Variants in NTRK3 observed in about 807,000 individuals in gnomAD.
NTRK3 encodes the protein NT-3 growth factor receptor.
A neutral mutation model predicts 91.7 loss-of-function variants in NTRK3; 24 were observed. The observed-to-expected ratio is 0.26, with a 90% CI of 0.19 to 0.37. The LOEUF is 0.37. NTRK3 is among the 10% of genes least tolerant of loss of function. NTRK3 has a pLI of 1.00. For synonymous variants in NTRK3, 483 were observed against 404.0 expected, an observed-to-expected ratio of 1.20 and a Z score of -2.34; for missense variants, 880 against 1,068.9, an observed-to-expected ratio of 0.82 and a Z score of 2.46.
chr15:88,074,270 G>A (rs2047344257), intron 13 of NTRK3, among the ~76,000 whole-genome samples: 1 of 152,240 alleles, frequency 6.6e-6, no homozygotes. Context: ...GAAAGAACCA[G>A]GTGGCCTCTG....
At chr15:87,956,119 G>T (rs2071629025) in intron 14 of NTRK3, among the ~76,000 whole-genome samples, 1 of 152,136 alleles carries the variant, frequency 6.6e-6, no homozygotes, top group Non-Finnish European at 1.5e-5. Flanking sequence ...CCATTTCTTT[G>T]TGTATAAATG....
intron 14 of NTRK3, among the ~76,000 whole-genome samples, chr15:88,000,021 A>G (rs956067609): frequency 6.6e-6 from 1 of 152,294 alleles, no homozygotes; most frequent in Non-Finnish European, 1.5e-5. Flanking sequence ...TCTTAATGCT[A>G]TGATGGTGAT....
chr15:87,886,821 A>T (rs968667098), intron 17 of NTRK3, among the ~76,000 whole-genome samples: 1 of 148,460 alleles, frequency 6.7e-6, no homozygotes, highest in Non-Finnish European at 1.5e-5. Context: ...AAATTTAAAA[A>T]TAGTAAAAAA....
chr15:88,180,429 A>G (rs1248661849), intron 5 of NTRK3, among the ~76,000 whole-genome samples: 2 of 152,356 alleles, frequency 1.3e-5, no homozygotes, highest in East Asian at 3.9e-4. Context: ...CTCATAAACC[A>G]TGACGTAAGG....
chr15:87,964,417 ATT>A (rs1317608416), intron 14 of NTRK3, among the ~76,000 whole-genome samples: 2 of 150,378 alleles, frequency 1.3e-5, no homozygotes, highest in African/African-American at 4.9e-5. Flanking sequence ...TACAAGCATC[ATT>A]GAGTTCATAC....
exon 1 of NTRK3, chr15:88,256,731 T>A (rs1030728242): frequency 2.9e-6 from 1 of 346,526 alleles, no homozygotes; most frequent in Non-Finnish European, 5.2e-6. Flanking sequence ...TGCAGAAATG[T>A]ACAAGTGCTC....
intron 13 of NTRK3, among the ~76,000 whole-genome samples, chr15:88,061,757 T>C (rs1448752943): frequency 1.3e-5 from 2 of 152,258 alleles, no homozygotes; most frequent in Admixed American, 6.5e-5. Context: ...AACCCTTTCT[T>C]AGAGTCCCCT....
chr15:88,253,568 A>G, intron 3 of NTRK3: 1 of 152,290 alleles, frequency 6.6e-6, no homozygotes, highest in East Asian at 1.9e-4. Flanking sequence ...CCAGCCATAG[A>G]TATAACAGGG....
chr15:88,209,323 G>A lies in NTRK3; in HGVS notation c.249-25024C>T, dbSNP rs577203803. On this transcript the variant is annotated intron_variant, in intron 3 of 18. Coordinates refer to ENST00000394480, the Ensembl canonical transcript of NTRK3. ...AAATTCTAGGCAGCTGCCTACTGCC[G>A]CCATGGGTTGATAAGGAAGGTGTAT... 4.2e-4 allele frequency among the ~76,000 whole-genome samples: 64 copies of A among 152,296 alleles called. 1 individual carries two copies. The highest frequency in any genetic ancestry group is 3.7e-3 in the Admixed American group (57 of 15,298).
intron 6 of NTRK3, among the ~76,000 whole-genome samples, chr15:88,145,020 C>G (rs1176303450): frequency 6.6e-6 from 1 of 152,172 alleles, no homozygotes; most frequent in African/African-American, 2.4e-5. Context: ...ACACACTGAG[C>G]CCTTTCTCCT....
intron 17 of NTRK3, among the ~76,000 whole-genome samples, chr15:87,890,577 A>T (rs971067092): frequency 1.3e-4 from 5 of 37,790 alleles, no homozygotes; most frequent in African/African-American, 2.1e-4. Context: ...CTTTACACAC[A>T]CACACACACA....
intron 14 of NTRK3, among the ~76,000 whole-genome samples, chr15:87,948,693 T>A (rs59596136): frequency 1.3e-4 from 20 of 152,042 alleles, no homozygotes; most frequent in African/African-American, 4.6e-4. Flanking sequence ...GTCTCAAAAA[T>A]AAATAAATAA....
intron 13 of NTRK3, among the ~76,000 whole-genome samples, chr15:88,046,874 C>T (rs1027707151): frequency 1.3e-5 from 2 of 152,226 alleles, no homozygotes; most frequent in Admixed American, 6.5e-5. Context: ...GATTGATTTT[C>T]AGCATGTGCA....
chr15:88,145,506 C>T (rs2042807984), intron 6 of NTRK3, among the ~76,000 whole-genome samples: 1 of 152,154 alleles, frequency 6.6e-6, no homozygotes, highest in East Asian at 1.9e-4. Context: ...TGATCCCAGG[C>T]AAAGATGAAT....
intron 9 of NTRK3, 57 bp downstream of exon 9, chr15:88,135,842 C>A: frequency 6.2e-7 from 1 of 1,604,374 alleles, no homozygotes; most frequent in Non-Finnish European, 8.5e-7. Flanking sequence ...CCCTCTCCAG[C>A]CTCCTATGCC....
chr15:88,054,334 T>C (rs2045497776), intron 13 of NTRK3, among the ~76,000 whole-genome samples: 1 of 152,220 alleles, frequency 6.6e-6, no homozygotes, highest in Non-Finnish European at 1.5e-5. Context: ...CTACAAATTC[T>C]GATCTAAGTG....
At chr15:87,948,489 A>G (rs2142091824) in intron 14 of NTRK3, among the ~76,000 whole-genome samples, 1 of 152,302 alleles carries the variant, frequency 6.6e-6, no homozygotes, top group East Asian at 1.9e-4. Context: ...GGAGTTCAAG[A>G]CCAGCCTGGC....
At chr15:88,205,374 C>T (rs961988329) in intron 3 of NTRK3, among the ~76,000 whole-genome samples, 5 of 152,294 alleles carry the variant, frequency 3.3e-5, no homozygotes, top group African/African-American at 1.2e-4. Flanking sequence ...CCCATCTCAC[C>T]AGCCAGGCCT....
At chr15:88,018,763 T>A (rs772280629) in intron 14 of NTRK3, among the ~76,000 whole-genome samples, 1 of 152,094 alleles carries the variant, frequency 6.6e-6, no homozygotes, top group African/African-American at 2.4e-5. Context: ...ATTAAACAAT[T>A]TATTATTATA....
Sources: allele counts gnomAD v4.1 joint callset (sites outside exome capture counted in the v4.1 genomes callset), GRCh38; gene constraint gnomAD v4.1.1; transcripts MANE v1.5; gene names NCBI Gene and HGNC (gene_info 2026-07-23, HGNC 2026-07-21).